Variants in GALNT13 observed in about 807,000 individuals in gnomAD.
GALNT13 encodes polypeptide N-acetylgalactosaminyltransferase 13, also known as UDP-GalNAc:polypeptide N-acetylgalactosaminyltransferase 13.
GALNT13 carries 28 observed loss-of-function variants against 64.2 expected under a neutral mutation model. The observed-to-expected ratio is 0.44, with a 90% CI of 0.32 to 0.60. The LOEUF (loss-of-function observed/expected upper bound fraction) is 0.60, where lower values mean the gene tolerates loss of function less well. Ranked by LOEUF, GALNT13 falls within the 20% of genes least tolerant of loss-of-function variation. The pLI is 0.05. For synonymous variants in GALNT13, 214 were observed against 224.6 expected (o/e 0.95, Z 0.42); for missense variants, 577 against 669.8 (o/e 0.86, Z 1.53).
chr2:153,495,462 T>C, the GALNT13 span, among the ~76,000 whole-genome samples: 2 of 152,092 alleles, frequency 1.3e-5, no homozygotes, highest in African/African-American at 4.8e-5. Context: ...GTAGCTTACA[T>C]CACAGGAGCC....
At chr2:153,222,325 GGTGGGGT>G in the GALNT13 span, among the ~76,000 whole-genome samples, 133 of 115,846 alleles carry the variant, frequency 1.1e-3, no homozygotes, top group African/African-American at 2.5e-3. Context: ...GGGGGGGGGG[GGTGGGGT>G]GGGGGGGGGG....
the GALNT13 span, among the ~76,000 whole-genome samples, chr2:153,492,313 C>T: frequency 6.6e-6 from 1 of 152,204 alleles, no homozygotes; most frequent in African/African-American, 2.4e-5. Context: ...AGTGTAGTAT[C>T]AGCATCTGCA....
At chr2:154,051,988 TG>T (rs1197930332) in intron 3 of GALNT13, among the ~76,000 whole-genome samples, 2 of 152,100 alleles carry the variant, frequency 1.3e-5, no homozygotes, top group Non-Finnish European at 2.9e-5. Context: ...GAAAAAGTGG[TG>T]AATTTTTTTT....
At chr2:153,933,121 T>C (rs891672522) in intron 2 of GALNT13, among the ~76,000 whole-genome samples, 23 of 152,140 alleles carry the variant, frequency 1.5e-4, no homozygotes, top group African/African-American at 5.6e-4. Context: ...GAGTTCTGTA[T>C]ATGTCTGTTA....
At chr2:153,833,924 A>G in the GALNT13 span, among the ~76,000 whole-genome samples, 1 of 152,100 alleles carries the variant, frequency 6.6e-6, no homozygotes, top group African/African-American at 2.4e-5. Context: ...CCTTCTTAGT[A>G]TAATATTGGA....
At chr2:153,140,001 T>A in the GALNT13 span, among the ~76,000 whole-genome samples, 1 of 152,138 alleles carries the variant, frequency 6.6e-6, no homozygotes, top group African/African-American at 2.4e-5. Context: ...TACAAACTTC[T>A]TTATTCTCCC....
At chr2:153,102,684 C>T in the GALNT13 span, among the ~76,000 whole-genome samples, 1 of 152,110 alleles carries the variant, frequency 6.6e-6, no homozygotes, top group East Asian at 1.9e-4. Flanking sequence ...CTGAACCATT[C>T]CCCCGAAACA....
At chr2:153,886,733 G>A (rs908469829) in intron 1 of GALNT13, among the ~76,000 whole-genome samples, 4 of 152,040 alleles carry the variant, frequency 2.6e-5, no homozygotes, top group Non-Finnish European at 5.9e-5. Flanking sequence ...CTTGTGGGCA[G>A]TTAGAGCTCT....
At chr2:153,805,673 T>C in the GALNT13 span, among the ~76,000 whole-genome samples, 1 of 152,098 alleles carries the variant, frequency 6.6e-6, no homozygotes, top group East Asian at 1.9e-4. Flanking sequence ...ATAGGAATAA[T>C]ATATGTAAAA....
At chr2:153,637,336 A>T in the GALNT13 span, among the ~76,000 whole-genome samples, 393 of 152,292 alleles carry the variant, frequency 2.6e-3, no homozygotes, top group Non-Finnish European at 4.5e-3. Context: ...TCTTTAATTA[A>T]CTAACAGTAC....
chr2:154,317,452 G>A (rs887961269), intron 9 of GALNT13, among the ~76,000 whole-genome samples: 7 of 152,128 alleles, frequency 4.6e-5, no homozygotes, highest in Non-Finnish European at 8.8e-5. Context: ...ATGTTCTAGT[G>A]AGAATTGAAT....
chr2:154,140,081 G>A (rs535172211), intron 3 of GALNT13, among the ~76,000 whole-genome samples: 1 of 152,096 alleles, frequency 6.6e-6, no homozygotes, highest in Non-Finnish European at 1.5e-5. Context: ...TTAAGATTGG[G>A]TATTTTGTAC....
chr2:153,434,932 A>C, the GALNT13 span, among the ~76,000 whole-genome samples: 1 of 152,152 alleles, frequency 6.6e-6, no homozygotes, highest in South Asian at 2.1e-4. Flanking sequence ...GGTATTGCCT[A>C]GATTTTCTTC....
At chr2:153,264,877 A>C in the GALNT13 span, among the ~76,000 whole-genome samples, 2 of 152,286 alleles carry the variant, frequency 1.3e-5, no homozygotes, top group Admixed American at 1.3e-4. Flanking sequence ...AGGAGCAGCA[A>C]ACCACCATGG....
intron 9 of GALNT13, among the ~76,000 whole-genome samples, chr2:154,321,330 A>G (rs1370802712): frequency 6.6e-6 from 1 of 152,166 alleles, no homozygotes; most frequent in Admixed American, 6.6e-5. Context: ...CTCCTATCCT[A>G]TAATCTTTGT....
At chr2:153,233,017 A>G in the GALNT13 span, among the ~76,000 whole-genome samples, 1 of 152,184 alleles carries the variant, frequency 6.6e-6, no homozygotes, top group Non-Finnish European at 1.5e-5. Flanking sequence ...GATGGTACAC[A>G]GTCAGCACTA....
chr2:153,929,756 C>T (rs1690386213), intron 2 of GALNT13, among the ~76,000 whole-genome samples: 2 of 152,122 alleles, frequency 1.3e-5, no homozygotes, highest in Non-Finnish European at 1.5e-5. Flanking sequence ...CAGTGATGGG[C>T]ATCTAGGTTG....
the GALNT13 span, among the ~76,000 whole-genome samples, chr2:153,628,415 T>A: frequency 6.6e-6 from 1 of 152,124 alleles, no homozygotes; most frequent in Non-Finnish European, 1.5e-5. Flanking sequence ...GGCATCCCTG[T>A]CTTGTGCCCG....
chr2:154,416,138 A>G (rs574410124), intron 11 of GALNT13, among the ~76,000 whole-genome samples: 1 of 152,204 alleles, frequency 6.6e-6, no homozygotes, highest in Admixed American at 6.6e-5. Flanking sequence ...CTGTCAGGAG[A>G]TTATACTATA....
Sources: allele counts gnomAD v4.1 joint callset (sites outside exome capture counted in the v4.1 genomes callset), GRCh38; gene constraint gnomAD v4.1.1; transcripts MANE v1.5; gene names NCBI Gene and HGNC (gene_info 2026-07-23, HGNC 2026-07-21).